Variants in EIF5 observed in about 807,000 individuals in gnomAD.
EIF5 encodes eukaryotic translation initiation factor 5.
A neutral mutation model predicts 48.3 loss-of-function variants in EIF5; 10 were observed. That is an observed-to-expected ratio of 0.21 (90% CI 0.13 to 0.35). The LOEUF (loss-of-function observed/expected upper bound fraction) is 0.35. Ranked by LOEUF, EIF5 falls within the 10% of genes least tolerant of loss-of-function variation. The probability of loss-of-function intolerance (pLI) is 1.00; values close to 1 mark genes in which losing one functional copy is unlikely to be tolerated. For missense variants in EIF5, 397 were observed against 533.2 expected, an observed-to-expected ratio of 0.74 and a Z score of 2.51; for synonymous variants, 237 against 173.1, an observed-to-expected ratio of 1.37 and a Z score of -2.90.
At chr14:103,340,924 T>A (rs746048370) in intron 11 of EIF5, 39 bp from the exon 12 acceptor site, 2 of 1,582,850 alleles carry the variant, frequency 1.3e-6, no homozygotes, top group Non-Finnish European at 1.7e-6. Flanking sequence ...ATAAACAGAT[T>A]TATCAGCTTA....
rs764637929 is a variant in EIF5 at position 103,336,670 on chromosome 14, C to G, written c.155-7C>G. 3.1e-6 allele frequency: 5 copies of G among 1,593,842 alleles called. No individual in the cohort carries two copies. In the African/African-American group the frequency reaches 6.8e-5, roughly 22 times the overall value. ...TAACGATCCAAACTCCTTTTTCATT[C>G]AAATAGATCCCACCAAATATTTTGG... is the stretch of plus-strand genomic sequence containing the variant. On this transcript the variant is annotated splice_region_variant and splice_polypyrimidine_tract_variant and intron_variant, in intron 4 of 11. Transcript: ENST00000216554.
chr14:103,335,130 C>G (rs995764380), intron 2 of EIF5: 1 of 152,344 alleles, frequency 6.6e-6, no homozygotes, highest in Non-Finnish European at 1.5e-5. Context: ...CTCGCGCTCT[C>G]TTGCTTAATG....
At chr14:103,338,668 C>A (rs2089317835) in intron 7 of EIF5, 67 bp from the exon 8 acceptor site, 3 of 1,568,816 alleles carry the variant, frequency 1.9e-6, no homozygotes, top group East Asian at 2.3e-5. Flanking sequence ...ATTAACTTGG[C>A]AAAATCTGAA....
intron 4 of EIF5, 131 bp from the exon 5 acceptor site, chr14:103,336,546 A>C (rs1595362605): frequency 2.0e-6 from 2 of 993,262 alleles, no homozygotes; most frequent in Non-Finnish European, 2.9e-6. Flanking sequence ...ACGCCGTTGC[A>C]CTCCAGCCTG....
chr14:103,338,145 T>G, intron 6 of EIF5, 182 bp from the exon 7 acceptor site: 2 of 849,074 alleles, frequency 2.4e-6, no homozygotes. Context: ...AGACTAACAT[T>G]CTTACGTATG....
rs1167080785 is a variant in EIF5 at position 103,342,183 on chromosome 14, A to G, written c.*1131A>G. Reference sequence around the variant, plus strand: ...GAATGTCTTATTTAAAAAGAAAGCTAAAAGCATACTTCTAAGTCAGAGCCT... The same window carrying G: ...GAATGTCTTATTTAAAAAGAAAGCTGAAAGCATACTTCTAAGTCAGAGCCT... On this transcript the variant is annotated 3_prime_UTR_variant, in exon 12 of 12. Transcript: ENST00000216554. The G allele has an allele frequency of 3.9e-5, 6 of 152,522 alleles. No homozygotes were observed. 9.4% of individuals were successfully genotyped at this position (152,522 alleles called of 1,614,324 possible).
At position 103,339,778 on chromosome 14, in the gene EIF5, A is replaced by G; in HGVS notation, c.1046A>G (p.Glu349Gly). The G allele has an allele frequency of 1.9e-6, 3 of 1,614,168 alleles. No homozygotes were observed. Among genetic ancestry groups the G allele is most frequent in the Non-Finnish European group, 1.7e-6 (2 of 1,180,016 alleles). The change falls in exon 10 of 12, where the codon GAG becomes GGG. Residue 349 changes from glutamate to glycine, a missense_variant. Physicochemically the swap from Glu to Gly is moderately conservative, Grantham distance 98. Coordinates refer to ENST00000216554, the MANE Select transcript of EIF5 (RefSeq NM_001969.5). ...TACGATGCAGACCTTTTAGAAGAAG[A>G]GGTCATCATCAGCTGGTCGGAAAAG... Reference protein sequence around the residue: ...EMYDADLLEEEVIISWSEKAS... With the variant: ...EMYDADLLEEGVIISWSEKAS...
At chr14:103,336,904 C>G in intron 5 of EIF5, 55 bp downstream of exon 5, 1 of 1,543,144 alleles carries the variant, frequency 6.5e-7, no homozygotes, top group Non-Finnish European at 8.7e-7. Flanking sequence ...TTCTGTGATA[C>G]CGCTAAGTCA....
In EIF5 at chr14:103,337,102, TA is replaced by T. The variant is rs766985117; in HGVS notation, c.328-13del. On this transcript the variant is annotated splice_polypyrimidine_tract_variant and intron_variant, in intron 5 of 11. Transcript: ENST00000216554. Reference sequence around the variant, plus strand: ...ATGTTATATTATGGATAACATTTGTTATTTTTTTGGCAGCATGTCAATCCAA... The same window carrying T: ...ATGTTATATTATGGATAACATTTGTTTTTTTTTGGCAGCATGTCAATCCAA... 6.2e-7 allele frequency: 1 copy of T among 1,603,594 alleles called. No homozygotes were observed. Among genetic ancestry groups the T allele is most frequent in the Non-Finnish European group, 8.5e-7 (1 of 1,174,986 alleles).
intron 4 of EIF5, chr14:103,336,460 A>G: frequency 3.5e-6 from 2 of 571,894 alleles, no homozygotes; most frequent in South Asian, 4.5e-5. Context: ...ATGCGCTTGT[A>G]GTCCCAGCTA....
At chr14:103,336,581 C>CAA (rs35114533) in intron 4 of EIF5, 96 bp from the exon 5 acceptor site, 13,012 of 1,133,836 alleles carry the variant, frequency 0.011, 4 homozygotes, top group East Asian at 0.027. Flanking sequence ...ACTCTTGTCT[C>CAA]AAAAAAAAAA....
intron 2 of EIF5, chr14:103,335,332 G>C (rs1251011984): frequency 6.4e-6 from 1 of 156,314 alleles, no homozygotes; most frequent in Non-Finnish European, 1.4e-5. Flanking sequence ...TCGTTCTTCA[G>C]CACTTCCAGG....
intron 6 of EIF5, chr14:103,337,967 T>TA (rs2089308471): frequency 5.6e-6 from 3 of 538,784 alleles, no homozygotes; most frequent in Non-Finnish European, 1.1e-5. Context: ...TATATAGACT[T>TA]AAACAGTGTT....
At position 103,342,709 on chromosome 14, in the gene EIF5, C is replaced by G. The variant is rs1051980050; in HGVS notation, c.*1657C>G. 6.6e-6 allele frequency: 1 copy of G among 152,618 alleles called. No homozygotes were observed. The highest frequency in any genetic ancestry group is 2.4e-5 in the African/African-American group (1 of 41,428). 9.5% of individuals were successfully genotyped at this position (152,618 alleles called of 1,614,324 possible). On this transcript the variant is annotated 3_prime_UTR_variant, in exon 12 of 12. Coordinates refer to ENST00000216554, the MANE Select transcript of EIF5 (RefSeq NM_001969.5). ...GAATTGGTCTCCAGCTGCCTTTGAT[C>G]AAGATTCGGGTGCAAGTGGAGCAGG...
chr14:103,338,197 A>G (rs2089312209), intron 6 of EIF5, 130 bp from the exon 7 acceptor site: 1 of 1,263,186 alleles, frequency 7.9e-7, no homozygotes, highest in Admixed American at 2.2e-5. Flanking sequence ...CTTAGGTAGC[A>G]TTGTGTGTGC....
chr14:103,335,484 G>A (rs2089274294), intron 2 of EIF5, 169 bp from the exon 3 acceptor site: 1 of 199,324 alleles, frequency 5.0e-6, no homozygotes, highest in East Asian at 1.3e-4. Flanking sequence ...TTATGTTCCC[G>A]CAGATTGTAC....
rs1355121568 is a variant in EIF5 at position 103,339,686 on chromosome 14, G to A, written c.954G>A (p.Leu318=). 1.2e-6 allele frequency: 2 copies of A among 1,614,196 alleles called. No individual in the cohort carries two copies. The highest frequency in any genetic ancestry group is 1.1e-5 in the South Asian group (1 of 91,080). The change falls in exon 10 of 12, where the codon TTG becomes TTA. Residue 318 remains leucine, a synonymous_variant. Transcript: ENST00000216554. The stretch of plus-strand genomic sequence containing the variant: ...CCCAACGGTACCTTCTTCATGGTTT[G>A]GAGTGTGTGGTAGCAATGCATCAAG... ...KKAQRYLLHG[L]ECVVAMHQAQ...
Position 103,343,901 on chromosome 14 carries a change from T to G in EIF5, c.*2849T>G, listed in dbSNP as rs974153201. The G allele has an allele frequency of 6.6e-6, 1 of 152,240 alleles. No individual in the cohort carries two copies. Among genetic ancestry groups the G allele is most frequent in the Non-Finnish European group, 1.5e-5 (1 of 68,046 alleles). 9.4% of individuals were successfully genotyped at this position (152,240 alleles called of 1,614,324 possible). A position where few individuals can be genotyped will look rare whatever the true frequency, so the allele number is the denominator to read the frequency against. On this transcript the variant is annotated 3_prime_UTR_variant, in exon 12 of 12. Coordinates refer to ENST00000216554, the MANE Select transcript of EIF5 (RefSeq NM_001969.5). ...CAGCTATTTTCTTAATTGCTACAGC[T>G]TGACCTACCAGTATTCCGGAGTAAC...
At chr14:103,335,497 T>C (rs534226982) in intron 2 of EIF5, 156 bp from the exon 3 acceptor site, 16 of 293,858 alleles carry the variant, frequency 5.4e-5, no homozygotes, top group Non-Finnish European at 9.1e-5. Flanking sequence ...GATTGTACTG[T>C]GTTACATGAG....
Sources: gnomAD v4.1 joint callset for allele counts on GRCh38, gnomAD v4.1.1 for gene constraint, MANE v1.5 for transcripts, NCBI Gene and HGNC (gene_info 2026-07-23, HGNC 2026-07-21) for gene names.